The following GRID2 variants were observed in gnomAD, a reference collection of about 807,000 sequenced individuals.
The protein encoded by GRID2 is glutamate receptor ionotropic, delta-2.
A neutral mutation model predicts 114.8 loss-of-function variants in GRID2; 33 were observed. The ratio of observed to expected loss-of-function variants is 0.29; its 90% CI spans 0.22 to 0.38. GRID2 has a LOEUF of 0.38. Ranked by LOEUF, GRID2 falls within the 10% of genes least tolerant of loss-of-function variation. The pLI is 1.00. For missense variants in GRID2, 1,184 were observed against 1,257.7 expected (o/e 0.94, Z 0.89); for synonymous variants, 505 against 449.9 (o/e 1.12, Z -1.55).
At chr4:92,749,503 C>A (rs562460582) in intron 2 of GRID2, among the ~76,000 whole-genome samples, 1 of 151,848 alleles carries the variant, frequency 6.6e-6, no homozygotes, top group South Asian at 2.1e-4. Flanking sequence ...TTAGTAGAGA[C>A]CGGGTTTCAC....
intron 2 of GRID2, among the ~76,000 whole-genome samples, chr4:92,922,680 T>C (rs934860020): frequency 6.6e-6 from 1 of 152,190 alleles, no homozygotes; most frequent in Non-Finnish European, 1.5e-5. Flanking sequence ...AGGATAAATA[T>C]ATAAATTATA....
At chr4:92,740,548 G>A (rs922825325) in intron 2 of GRID2, among the ~76,000 whole-genome samples, 2 of 152,080 alleles carry the variant, frequency 1.3e-5, no homozygotes, top group African/African-American at 4.8e-5. Context: ...TCCAATCACT[G>A]TAAACTGGCT....
chr4:93,304,214 C>A (rs1398079201), intron 8 of GRID2, among the ~76,000 whole-genome samples: 2 of 608 alleles, frequency 3.3e-3, no homozygotes, highest in African/African-American at 8.9e-3. Flanking sequence ...AAATCGAGAA[C>A]TATTTTTTTA....
chr4:93,282,728 A>T (rs1752777622), intron 8 of GRID2, among the ~76,000 whole-genome samples: 1 of 152,064 alleles, frequency 6.6e-6, no homozygotes, highest in African/African-American at 2.4e-5. Context: ...TTTATAAAGG[A>T]AAACCTGAGG....
At chr4:93,174,637 T>A (rs1218003088) in intron 4 of GRID2, among the ~76,000 whole-genome samples, 1 of 152,028 alleles carries the variant, frequency 6.6e-6, no homozygotes, top group Admixed American at 6.6e-5. Context: ...GAAGAGAGAT[T>A]TCTGTTTTTC....
chr4:93,082,274 A>G (rs904989957), intron 2 of GRID2, among the ~76,000 whole-genome samples: 1 of 152,172 alleles, frequency 6.6e-6, no homozygotes, highest in African/African-American at 2.4e-5. Flanking sequence ...GCTTTCCCCT[A>G]TTTAGAGCTT....
intron 2 of GRID2, among the ~76,000 whole-genome samples, chr4:92,755,669 A>C (rs1560574048): frequency 6.6e-6 from 1 of 152,310 alleles, no homozygotes; most frequent in South Asian, 2.1e-4. Flanking sequence ...AAAAGGAGGC[A>C]GTATGGATAA....
chr4:93,799,270 G>A (rs1383686128), intron 1 of GRID2, among the ~76,000 whole-genome samples: 5 of 152,164 alleles, frequency 3.3e-5, no homozygotes, highest in Middle Eastern at 3.2e-3. Flanking sequence ...TCTTTCAGCA[G>A]TCAACACATC....
rs377188111 is a variant in GRID2 at position 93,235,973 on chromosome 4, G to A, written c.1126-2398G>A. ...TATATTGATATATGATATCTTTTTCGTATAAATAAGCTACTAAAACATAAA... is the reference window on the plus strand; with the variant it reads ...TATATTGATATATGATATCTTTTTCATATAAATAAGCTACTAAAACATAAA... On this transcript the variant is annotated intron_variant, in intron 7 of 15. Coordinates refer to ENST00000282020, the MANE Select transcript of GRID2 (RefSeq NM_001510.4). Among the ~76,000 whole-genome samples the A allele has an allele frequency of 3.6e-4, 54 of 151,878 alleles. No homozygotes were observed. The East Asian group carries it at 3.7e-3, about 10-fold the overall frequency.
rs1323881628 is a variant in GRID2, at chr4:93,211,447, C to T, written c.789+3990C>T. Among the ~76,000 whole-genome samples, 4 of 151,922 alleles carry T rather than the reference C, an allele frequency of 2.6e-5. No individual in the cohort carries two copies. In the East Asian group the frequency reaches 7.7e-4, roughly 29 times the overall value. ...AAAATATTGTCATTAAGTGGATGCT[C>T]CATAATTTGGGCCACTATTTTGCAA... On this transcript the variant is annotated intron_variant, in intron 5 of 15. Coordinates refer to ENST00000282020, the MANE Select transcript of GRID2 (RefSeq NM_001510.4).
chr4:93,205,383 C>A (rs1234226829), intron 4 of GRID2, among the ~76,000 whole-genome samples: 1 of 152,032 alleles, frequency 6.6e-6, no homozygotes, highest in South Asian at 2.1e-4. Flanking sequence ...GTTTAATTCC[C>A]ACCTATGAGT....
chr4:93,072,468 C>G (rs1578905682), intron 2 of GRID2, among the ~76,000 whole-genome samples: 2 of 152,034 alleles, frequency 1.3e-5, no homozygotes, highest in East Asian at 3.9e-4. Context: ...CCAGCAAGTG[C>G]TCTTGAGAAA....
At chr4:93,602,058 T>C (rs186302868) in intron 13 of GRID2, among the ~76,000 whole-genome samples, 2 of 152,332 alleles carry the variant, frequency 1.3e-5, no homozygotes, top group East Asian at 1.9e-4. Context: ...AATTTAGTAA[T>C]TGAAAACTGC....
intron 14 of GRID2, among the ~76,000 whole-genome samples, chr4:93,739,326 A>G (rs2196832): frequency 0.12 from 18,900 of 152,038 alleles, 1,507 homozygotes; most frequent in East Asian, 0.4. Flanking sequence ...ACTAGGTACA[A>G]TTTCTTCAAC....
At chr4:92,334,714 C>T (rs1350680940) in intron 1 of GRID2, among the ~76,000 whole-genome samples, 1 of 152,160 alleles carries the variant, frequency 6.6e-6, no homozygotes, top group Non-Finnish European at 1.5e-5. Context: ...AACACTACTA[C>T]AATGGGGACT....
At chr4:92,594,143 T>C (rs1483156348) in intron 2 of GRID2, among the ~76,000 whole-genome samples, 2 of 151,778 alleles carry the variant, frequency 1.3e-5, no homozygotes, top group Non-Finnish European at 2.9e-5. Flanking sequence ...TAGTCCAGTA[T>C]TTTTCTTGCT....
intron 2 of GRID2, among the ~76,000 whole-genome samples, chr4:92,989,295 A>T (rs966476355): frequency 4.2e-5 from 6 of 144,274 alleles, no homozygotes; most frequent in Non-Finnish European, 7.6e-5. Flanking sequence ...AAAAAAAAAA[A>T]AAAAAAATAA....
intron 1 of GRID2, among the ~76,000 whole-genome samples, chr4:92,539,238 C>CTT (rs1725806067): frequency 6.6e-6 from 1 of 152,042 alleles, no homozygotes; most frequent in Non-Finnish European, 1.5e-5. Context: ...AGTGTGTACT[C>CTT]TATTTGTTTC....
chr4:92,659,289 T>A lies in GRID2; in HGVS notation c.244+69003T>A, dbSNP rs116067951. On this transcript the variant is annotated intron_variant, in intron 2 of 15. Coordinates refer to ENST00000282020, the MANE Select transcript of GRID2 (RefSeq NM_001510.4). ...TACATGTTTTTTACAAACAACACTT[T>A]ACAGTAATGCTTAGAGCCTGCATTT... is the stretch of plus-strand genomic sequence containing the variant. 1.0e-3 allele frequency among the ~76,000 whole-genome samples: 151 copies of A among 151,738 alleles called. 1 individual carries two copies. The highest frequency in any genetic ancestry group is 3.6e-3 in the African/African-American group (150 of 41,504).
Sources: gnomAD v4.1 joint callset for allele counts (sites outside exome capture counted in the v4.1 genomes callset) on GRCh38, gnomAD v4.1.1 for gene constraint, MANE v1.5 for transcripts, NCBI Gene and HGNC (gene_info 2026-07-23, HGNC 2026-07-21) for gene names.